Variants in BCL10 observed in about 807,000 individuals in gnomAD.
The protein encoded by BCL10 is B-cell lymphoma/leukemia 10.
In BCL10, 5 loss-of-function variants were observed where a neutral mutation model predicts 19.2. The observed-to-expected ratio is 0.26, with a 90% CI of 0.14 to 0.55. BCL10 has a LOEUF of 0.55. Among genes scored for constraint, BCL10 ranks in the 20% least tolerant of loss-of-function variants. BCL10 has a pLI of 0.94. For missense variants in BCL10, 201 were observed against 271.9 expected (o/e 0.74, Z 1.83); for synonymous variants, 110 against 98.8 (o/e 1.11, Z -0.67).
rs1346396823 is a variant in BCL10 at position 85,270,708 on chromosome 1, T to C, written c.256A>G (p.Ile86Val). The C allele has an allele frequency of 5.6e-6, 9 of 1,613,966 alleles. No homozygotes were observed. Among genetic ancestry groups the C allele is most frequent in the Middle Eastern group, 1.6e-4 (1 of 6,062 alleles). The change falls in exon 2 of 3, where the codon ATT becomes GTT. Residue 86 changes from isoleucine to valine, a missense_variant. This residue lies in a region of BCL10 where 51 missense variants were observed against 118.8 expected (regional missense o/e 0.43). Transcript: ENST00000648566. ...PKGLDTLVES[I>V]RREKTQNFLI... Reference sequence around the variant, plus strand: ...AAGTTCTGTGTTTTTTCTCGCCGAATAGATTCAACAAGGGTGTCCAGACCT... The same window carrying C: ...AAGTTCTGTGTTTTTTCTCGCCGAACAGATTCAACAAGGGTGTCCAGACCT...
intron 1 of BCL10, among the ~76,000 whole-genome samples, chr1:85,273,729 C>G (rs1244088475): frequency 6.6e-6 from 1 of 152,218 alleles, no homozygotes; most frequent in Non-Finnish European, 1.5e-5. Context: ...CCACTGCCTT[C>G]ACCCTGATCC....
intron 2 of BCL10, among the ~76,000 whole-genome samples, chr1:85,268,415 T>C (rs1245626240): frequency 6.6e-6 from 1 of 152,196 alleles, no homozygotes; most frequent in African/African-American, 2.4e-5. Flanking sequence ...TCTTGAATAA[T>C]AGGATATTAG....
rs887862176 is a variant in BCL10 at position 85,276,381 on chromosome 1, G to C, written c.-29C>G. 2.0e-5 allele frequency: 32 copies of C among 1,612,834 alleles called. No individual in the cohort carries two copies. In the Admixed American group the frequency reaches 3.2e-4, roughly 16 times the overall value. ...GGAGGCGGGAGATGGCGCTTCTTCCGGGTCCGGGAGCTCGGGCTGCGCCGC... is the reference window on the plus strand; with the variant it reads ...GGAGGCGGGAGATGGCGCTTCTTCCCGGTCCGGGAGCTCGGGCTGCGCCGC... On this transcript the variant is annotated 5_prime_UTR_variant, in exon 1 of 3. Coordinates refer to ENST00000648566, the MANE Select transcript of BCL10 (RefSeq NM_003921.5).
chr1:85,276,217 G>A, intron 1 of BCL10, 79 bp downstream of exon 1: 11 of 1,543,536 alleles, frequency 7.1e-6, no homozygotes, highest in East Asian at 2.2e-5. Context: ...CCTTGTCCTC[G>A]GACTCCAGGC....
Position 85,276,323 on chromosome 1 carries a change from C to A in BCL10, c.30G>T (p.Glu10Asp), listed in dbSNP as rs1368050684. The A allele has an allele frequency of 6.2e-7, 1 of 1,613,644 alleles. No individual in the cohort carries two copies. Residue 10 changes from glutamate to aspartate, a missense_variant, in exon 1 of 3, where the codon GAG becomes GAT. By Grantham distance (45) the Glu-to-Asp change is conservative. This residue lies in a region of BCL10 where 24 missense variants were observed against 16.6 expected (regional missense o/e 1.45). Transcript: ENST00000648566. ...CCTTCTTCACTTCAGTGAGGTCCTCCTCGGTGAGGGACGGTGCGGTGGGCT... is the reference window on the plus strand; with the variant it reads ...CCTTCTTCACTTCAGTGAGGTCCTCATCGGTGAGGGACGGTGCGGTGGGCT... Reference protein sequence around the residue: MEPTAPSLTEEDLTEVKKDA... With the variant: MEPTAPSLTDEDLTEVKKDA...
At chr1:85,272,540 C>T (rs1455645452) in intron 1 of BCL10, among the ~76,000 whole-genome samples, 1 of 151,692 alleles carries the variant, frequency 6.6e-6, no homozygotes, top group African/African-American at 2.4e-5. Context: ...CTGTGCCCAG[C>T]AAATTCTAAT....
At chr1:85,272,954 A>C (rs1298781543) in intron 1 of BCL10, among the ~76,000 whole-genome samples, 1 of 152,192 alleles carries the variant, frequency 6.6e-6, no homozygotes, top group Non-Finnish European at 1.5e-5. Context: ...TTTGTCCTGA[A>C]AATTTATGCT....
rs768740034 is a variant in BCL10 at position 85,267,190 on chromosome 1, G to A, written c.*437C>T. ...ATTGGCAGTTTTCCCATCAGTGACC[G>A]GTTTTATTACTGAACAGGAACAGCT... is the stretch of plus-strand genomic sequence containing the variant. On this transcript the variant is annotated 3_prime_UTR_variant, in exon 3 of 3. Transcript: ENST00000648566. 4.8e-4 allele frequency: 97 copies of A among 201,992 alleles called. No individual in the cohort carries two copies. The highest frequency in any genetic ancestry group is 1.5e-3 in the African/African-American group (65 of 43,752). The allele number at this position is 201,992 out of a possible 1,614,324, so 12.5% of individuals were successfully genotyped here.
In BCL10 at chr1:85,267,632, G is replaced by T; in HGVS notation, c.697C>A (p.Gln233Lys). 1 of 1,576,276 alleles carries T rather than the reference G, an allele frequency of 6.3e-7. No individual in the cohort carries two copies. Among genetic ancestry groups the T allele is most frequent in the Non-Finnish European group, 8.6e-7 (1 of 1,164,072 alleles). ...AATTAAAAGGCAATAAAGTGTCATTGTCGTGAAACAGTACGTGATCTTAAG... is the reference window on the plus strand; with the variant it reads ...AATTAAAAGGCAATAAAGTGTCATTTTCGTGAAACAGTACGTGATCTTAAG... ...LPLRSRTVSR[Q>K] Residue 233 changes from glutamine (Q) to lysine (K), a missense_variant, in exon 3 of 3, where the codon CAA becomes AAA. Coordinates refer to ENST00000648566, the MANE Select transcript of BCL10 (RefSeq NM_003921.5).
Position 85,267,710 on chromosome 1 carries a change from G to T in BCL10, c.619C>A (p.Leu207Ile). ...DPGAPPLPPD[L>I]QLEEEGTCAN... ...CAAGTTCCTTCTTCTTCTAACTGTAGATCTGGTGGCAAAGGAGGAGCCCCT... is the reference window on the plus strand; with the variant it reads ...CAAGTTCCTTCTTCTTCTAACTGTATATCTGGTGGCAAAGGAGGAGCCCCT... Residue 207 changes from leucine to isoleucine, a missense_variant, in exon 3 of 3, where the codon CTA (leucine) becomes ATA (isoleucine). By Grantham distance (5) the Leu-to-Ile change is conservative. Around this residue, in one of 3 missense-constraint regions of BCL10, gnomAD observed 126 missense variants for 136.6 expected, o/e 0.92. Coordinates refer to ENST00000648566, the MANE Select transcript of BCL10 (RefSeq NM_003921.5). 1 of 1,614,218 alleles carries T rather than the reference G, an allele frequency of 6.2e-7. No homozygotes were observed. Among genetic ancestry groups the T allele is most frequent in the Non-Finnish European group, 8.5e-7 (1 of 1,180,014 alleles).
intron 1 of BCL10, among the ~76,000 whole-genome samples, chr1:85,272,896 T>C (rs1041457804): frequency 3.9e-5 from 6 of 152,218 alleles, no homozygotes; most frequent in Non-Finnish European, 7.3e-5. Flanking sequence ...ACAAGGTTCA[T>C]TGATAATATG....
At chr1:85,271,906 A>C (rs1458612243) in intron 1 of BCL10, among the ~76,000 whole-genome samples, 2 of 152,226 alleles carry the variant, frequency 1.3e-5, no homozygotes, top group Admixed American at 1.3e-4. Context: ...GTATTTTACA[A>C]ATCTAAATTC....
At chr1:85,274,341 T>C (rs4949927) in intron 1 of BCL10, among the ~76,000 whole-genome samples, 34,821 of 152,182 alleles carry the variant, frequency 0.23, 4,069 homozygotes, top group Middle Eastern at 0.28. Context: ...TATTTTGTGA[T>C]TTAAAACAAT....
At chr1:85,272,836 C>T (rs914203875) in intron 1 of BCL10, among the ~76,000 whole-genome samples, 10 of 152,226 alleles carry the variant, frequency 6.6e-5, no homozygotes, top group African/African-American at 9.6e-5. Flanking sequence ...ATGAAGGCCA[C>T]GCATAGTCTC....
Position 85,266,602 on chromosome 1 carries a change from T to C in BCL10, c.*1025A>G, listed in dbSNP as rs2100741329. The C allele has an allele frequency of 5.6e-6, 1 of 179,988 alleles. No individual in the cohort carries two copies. The highest frequency in any genetic ancestry group is 2.0e-4 in the South Asian group (1 of 5,050). The allele number at this position is 179,988 out of a possible 1,614,324, so 11.1% of individuals were successfully genotyped here. On this transcript the variant is annotated 3_prime_UTR_variant, in exon 3 of 3. Transcript: ENST00000648566. ...AAAAATCTCATCAGGCTAGGTGAGG[T>C]GGCTCGTGTCTGTAATCCCAGCACT...
At chr1:85,268,123 C>A in intron 2 of BCL10, 141 bp from the exon 3 acceptor site, 1 of 601,636 alleles carries the variant, frequency 1.7e-6, no homozygotes, top group Non-Finnish European at 2.8e-6. Context: ...CCGTCATAAT[C>A]TATTTCAAAT....
At chr1:85,275,771 C>T (rs1193128290) in intron 1 of BCL10, among the ~76,000 whole-genome samples, 2 of 152,178 alleles carry the variant, frequency 1.3e-5, no homozygotes, top group African/African-American at 2.4e-5. Context: ...TCCCCCAACC[C>T]CAATTTAAAT....
rs368400529 is a variant in BCL10, at chr1:85,267,468, T to C, written c.*159A>G. On this transcript the variant is annotated 3_prime_UTR_variant, in exon 3 of 3. Coordinates refer to ENST00000648566, the MANE Select transcript of BCL10 (RefSeq NM_003921.5). ...TTTACAGTTAGCTATCCTAGAAGTATGCTTTTTTAATTCTAAAAATCCTAT... is the reference window on the plus strand; with the variant it reads ...TTTACAGTTAGCTATCCTAGAAGTACGCTTTTTTAATTCTAAAAATCCTAT... 23 of 604,790 alleles carry C rather than the reference T, an allele frequency of 3.8e-5. No homozygotes were observed. The East Asian group carries it at 4.6e-4, about 12-fold the overall frequency. The allele number at this position is 604,790 out of a possible 1,614,324, so 37.5% of individuals were successfully genotyped here. A position where few individuals can be genotyped will look rare whatever the true frequency, so the allele number is the denominator to read the frequency against.
At chr1:85,269,052 T>G (rs963604333) in intron 2 of BCL10, among the ~76,000 whole-genome samples, 1 of 152,226 alleles carries the variant, frequency 6.6e-6, no homozygotes, top group East Asian at 1.9e-4. Flanking sequence ...CCTGGACTAA[T>G]GCCATTATCA....
Sources: gnomAD v4.1 joint callset for allele counts (sites outside exome capture counted in the v4.1 genomes callset) on GRCh38, gnomAD v4.1.1 for gene constraint, gnomAD v4.1.1 regional missense constraint, MANE v1.5 for transcripts, NCBI Gene and HGNC (gene_info 2026-07-23, HGNC 2026-07-21) for gene names.